The following OSTM1 variants were observed in gnomAD, a reference collection of about 807,000 sequenced individuals.
OSTM1 encodes osteopetrosis-associated transmembrane protein 1.
OSTM1 carries 26 observed loss-of-function variants against 35.4 expected under a neutral mutation model. The ratio of observed to expected loss-of-function variants is 0.73; its 90% CI spans 0.54 to 1.02. The LOEUF is 1.02. Ranked by LOEUF, OSTM1 falls within the 50% of genes least tolerant of loss-of-function variation. The pLI is 0.00. For missense variants in OSTM1, 366 were observed against 409.6 expected (o/e 0.89, Z 0.92); for synonymous variants, 181 against 165.0 (o/e 1.10, Z -0.75).
At chr6:108,060,446 A>C (rs1408413300) in intron 2 of OSTM1, among the ~76,000 whole-genome samples, 1 of 152,212 alleles carries the variant, frequency 6.6e-6, no homozygotes, top group Non-Finnish European at 1.5e-5. Context: ...AGCCAGGCAC[A>C]GTGGCTCACA....
intron 5 of OSTM1, among the ~76,000 whole-genome samples, chr6:108,048,275 TA>T (rs1156687019): frequency 6.6e-6 from 1 of 152,208 alleles, no homozygotes; most frequent in Non-Finnish European, 1.5e-5. Flanking sequence ...AAAAGAAAAT[TA>T]ACCTTTTCCC....
Position 108,054,408 on chromosome 6 carries a change from T to C in OSTM1, c.615+82A>G, listed in dbSNP as rs1772135246. On this transcript the variant is annotated intron_variant, in intron 3 of 5. Coordinates refer to ENST00000193322, the MANE Select transcript of OSTM1 (RefSeq NM_014028.4). ...CATGAATTTAGATAAATATCAATAATTAGTGCTCTAAAAACTTGGAACTGC... is the reference window on the plus strand; with the variant it reads ...CATGAATTTAGATAAATATCAATAACTAGTGCTCTAAAAACTTGGAACTGC... 6.3e-6 allele frequency: 4 copies of C among 639,170 alleles called. No individual in the cohort carries two copies. The East Asian group carries it at 8.7e-5, about 14-fold the overall frequency. The allele number at this position is 639,170 out of a possible 1,614,324, so 39.6% of individuals were successfully genotyped here.
intron 2 of OSTM1, among the ~76,000 whole-genome samples, chr6:108,055,564 G>T (rs1222984046): frequency 6.6e-6 from 1 of 152,146 alleles, no homozygotes; most frequent in Admixed American, 6.5e-5. Context: ...CTCCAATCGA[G>T]GTTCAACTGC....
In OSTM1 at chr6:108,068,081, A is replaced by G. The variant is rs9374019; in HGVS notation, c.403-3782T>C. 1.7e-3 allele frequency among the ~76,000 whole-genome samples: 260 copies of G among 152,206 alleles called. 8 individuals carry two copies. The East Asian group carries it at 0.046, about 27-fold the overall frequency. On this transcript the variant is annotated intron_variant, in intron 1 of 5. Coordinates refer to ENST00000193322, the MANE Select transcript of OSTM1 (RefSeq NM_014028.4). ...ACCAATACTGCCAGTGTTGACAGAT[A>G]TATCTCCAATTCTCTCAGCAGGATT...
chr6:108,055,281 G>T (rs1218395138), intron 2 of OSTM1, among the ~76,000 whole-genome samples: 2 of 151,262 alleles, frequency 1.3e-5, no homozygotes, highest in Non-Finnish European at 2.9e-5. Context: ...CACAATTTAT[G>T]TATCCATTTT....
At chr6:108,074,208 A>C in intron 1 of OSTM1, 42 bp downstream of exon 1, 1 of 1,601,790 alleles carries the variant, frequency 6.2e-7, no homozygotes. Context: ...CTCCTTTCCC[A>C]ACTCTCCTGA....
chr6:108,057,323 T>C (rs1772186122), intron 2 of OSTM1, among the ~76,000 whole-genome samples: 1 of 152,172 alleles, frequency 6.6e-6, no homozygotes, highest in Admixed American at 6.5e-5. Context: ...AACAAACAAT[T>C]ACATAGTTTT....
At chr6:108,059,112 A>G (rs949019184) in intron 2 of OSTM1, among the ~76,000 whole-genome samples, 1 of 152,210 alleles carries the variant, frequency 6.6e-6, no homozygotes, top group African/African-American at 2.4e-5. Flanking sequence ...AAGAACCAAA[A>G]CACTAAAGCA....
intron 2 of OSTM1, among the ~76,000 whole-genome samples, chr6:108,055,670 C>T (rs1772159368): frequency 6.6e-6 from 1 of 152,204 alleles, no homozygotes; most frequent in Non-Finnish European, 1.5e-5. Flanking sequence ...CAGCCATTTT[C>T]ATCCCTGGAC....
At chr6:108,071,660 A>G (rs978623481) in intron 1 of OSTM1, among the ~76,000 whole-genome samples, 3 of 151,970 alleles carry the variant, frequency 2.0e-5, no homozygotes, top group Admixed American at 1.3e-4. Context: ...AAACCAGTCC[A>G]TATAGCCTTT....
intron 5 of OSTM1, among the ~76,000 whole-genome samples, chr6:108,048,838 G>A (rs1361720803): frequency 1.5e-5 from 2 of 137,356 alleles, no homozygotes; most frequent in East Asian, 2.2e-4. Context: ...TGCAACCTCC[G>A]CCTCCCAAGT....
At chr6:108,048,395 C>A (rs1454732657) in intron 5 of OSTM1, among the ~76,000 whole-genome samples, 2 of 152,308 alleles carry the variant, frequency 1.3e-5, no homozygotes, top group East Asian at 3.9e-4. Flanking sequence ...TCTTCCTTAG[C>A]TGGATGGGAT....
intron 2 of OSTM1, among the ~76,000 whole-genome samples, chr6:108,062,080 C>G (rs1772284708): frequency 6.6e-6 from 1 of 150,692 alleles, no homozygotes. Flanking sequence ...ATGGTTTTTT[C>G]TGTTTTCTAT....
intron 2 of OSTM1, among the ~76,000 whole-genome samples, chr6:108,060,188 T>C (rs79409249): frequency 0.067 from 10,181 of 152,212 alleles, 585 homozygotes; most frequent in African/African-American, 0.16. Flanking sequence ...TTAATTTTAA[T>C]TGGGAAGAGT....
At chr6:108,046,346 T>TC (rs1771973002) in intron 5 of OSTM1, among the ~76,000 whole-genome samples, 1 of 140,080 alleles carries the variant, frequency 7.1e-6, no homozygotes, top group South Asian at 2.3e-4. Flanking sequence ...TTCTTTTTTT[T>TC]CTTTTTTTTT....
intron 2 of OSTM1, among the ~76,000 whole-genome samples, chr6:108,057,970 A>G (rs1393978550): frequency 6.6e-6 from 1 of 151,988 alleles, no homozygotes; most frequent in Non-Finnish European, 1.5e-5. Context: ...TAGATAATCA[A>G]TGGAGCCTCA....
Position 108,049,365 on chromosome 6 carries a change from G to A in OSTM1, c.837C>T (p.Cys279=), listed in dbSNP as rs765394708. Residue 279 remains cysteine (C), a synonymous_variant, in exon 5 of 6, where the codon TGC becomes TGT. Coordinates refer to ENST00000193322, the MANE Select transcript of OSTM1 (RefSeq NM_014028.4). ...WSRTFNCSVP[C]SDTVPVIAVS... The stretch of plus-strand genomic sequence containing the variant: ...CAGCAATTACAGGCACTGTGTCACT[G>A]CAAGGGACTGAACAGTTGAAAGTTC... The A allele has an allele frequency of 5.6e-6, 9 of 1,613,088 alleles. No individual in the cohort carries two copies. Among genetic ancestry groups the A allele is most frequent in the African/African-American group, 1.3e-5 (1 of 74,912 alleles).
intron 3 of OSTM1, among the ~76,000 whole-genome samples, chr6:108,053,939 C>A (rs1318331033): frequency 6.6e-6 from 1 of 152,182 alleles, no homozygotes; most frequent in African/African-American, 2.4e-5. Context: ...TCCTTCACCA[C>A]GACCGGGCAA....
At chr6:108,058,840 G>A (rs1158846149) in intron 2 of OSTM1, among the ~76,000 whole-genome samples, 3 of 152,086 alleles carry the variant, frequency 2.0e-5, no homozygotes, top group African/African-American at 7.2e-5. Flanking sequence ...TATTGTTGTT[G>A]CTTTTTAAAG....
Sources: allele counts gnomAD v4.1 joint callset (sites outside exome capture counted in the v4.1 genomes callset), GRCh38; gene constraint gnomAD v4.1.1; transcripts MANE v1.5; gene names NCBI Gene and HGNC (gene_info 2026-07-23, HGNC 2026-07-21).